Variants in ABCA5 observed in about 807,000 individuals in gnomAD.
ABCA5 encodes the protein ATP binding cassette subfamily A member 5.
In ABCA5, 163 loss-of-function variants were observed where a neutral mutation model predicts 206.0. That is an observed-to-expected ratio of 0.79 (90% CI 0.70 to 0.90). ABCA5 has a LOEUF of 0.90. ABCA5 is among the 40% of genes least tolerant of loss of function. The pLI, the probability that ABCA5 is intolerant of heterozygous loss-of-function variation, is 0.00. For synonymous variants in ABCA5, 609 were observed against 613.8 expected (o/e 0.99, Z 0.11); for missense variants, 1,859 against 1,912.9 (o/e 0.97, Z 0.53).
intron 1 of ABCA5, among the ~76,000 whole-genome samples, chr17:69,323,165 T>C (rs1455744501): frequency 6.6e-6 from 1 of 152,138 alleles, no homozygotes; most frequent in East Asian, 1.9e-4. Flanking sequence ...TGAAATTCCT[T>C]CCTTATTTTC....
intron 12 of ABCA5, 62 bp from the exon 13 acceptor site, chr17:69,290,099 T>G: frequency 8.5e-7 from 1 of 1,172,816 alleles, no homozygotes; most frequent in Non-Finnish European, 1.2e-6. Flanking sequence ...TGTTTTCAAG[T>G]ATCCTGATAA....
intron 28 of ABCA5, among the ~76,000 whole-genome samples, chr17:69,257,089 G>A (rs946869654): frequency 2.0e-5 from 3 of 152,066 alleles, no homozygotes; most frequent in Admixed American, 1.3e-4. Flanking sequence ...ATGTGGCCAG[G>A]CGCAGTGGCT....
chr17:69,254,291 G>A, intron 32 of ABCA5, 24 bp downstream of exon 32: 1 of 1,558,886 alleles, frequency 6.4e-7, no homozygotes, highest in Non-Finnish European at 8.7e-7. Flanking sequence ...AGTAACAAAA[G>A]GAATCTAAAG....
At chr17:69,302,506 A>C (rs2075662726) in intron 8 of ABCA5, among the ~76,000 whole-genome samples, 1 of 152,366 alleles carries the variant, frequency 6.6e-6, no homozygotes, top group South Asian at 2.1e-4. Context: ...AAAGTAAAAA[A>C]TTTATAAACA....
intron 24 of ABCA5, among the ~76,000 whole-genome samples, chr17:69,263,191 C>T (rs950815195): frequency 6.6e-6 from 1 of 152,116 alleles, no homozygotes; most frequent in Non-Finnish European, 1.5e-5. Context: ...TATCCATTTA[C>T]TCTGTTGATA....
At chr17:69,273,662 G>C (rs987111184) in intron 20 of ABCA5, among the ~76,000 whole-genome samples, 3 of 151,948 alleles carry the variant, frequency 2.0e-5, no homozygotes, top group Admixed American at 1.3e-4. Flanking sequence ...CACCGTGTTA[G>C]CCAGGATGGT....
At chr17:69,299,493 C>T (rs2075628854) in intron 9 of ABCA5, among the ~76,000 whole-genome samples, 1 of 151,640 alleles carries the variant, frequency 6.6e-6, no homozygotes. Context: ...CACACACACA[C>T]ACACACAAAG....
At chr17:69,310,553 A>AG (rs1381389761) in intron 3 of ABCA5, among the ~76,000 whole-genome samples, 16 of 152,032 alleles carry the variant, frequency 1.1e-4, no homozygotes, top group Admixed American at 9.8e-4. Flanking sequence ...CTATGACACA[A>AG]CTCCTCCTTA....
At chr17:69,300,087 G>C (rs1463667078) in intron 9 of ABCA5, among the ~76,000 whole-genome samples, 1 of 152,100 alleles carries the variant, frequency 6.6e-6, no homozygotes, top group Admixed American at 6.5e-5. Context: ...AATATATAAT[G>C]AAACAATTAT....
intron 24 of ABCA5, among the ~76,000 whole-genome samples, chr17:69,264,368 C>T (rs2075184486): frequency 6.6e-6 from 1 of 152,012 alleles, no homozygotes; most frequent in African/African-American, 2.4e-5. Context: ...AAATGTTAAG[C>T]TATATTTTAA....
chr17:69,269,332 A>G (rs1359737655), intron 22 of ABCA5, among the ~76,000 whole-genome samples: 1 of 152,222 alleles, frequency 6.6e-6, no homozygotes, highest in Non-Finnish European at 1.5e-5. Flanking sequence ...AAGTTTTACT[A>G]AAAACAAATA....
rs58369537 is a variant in ABCA5, at chr17:69,263,697, C to CTTTTTTTTTTTTTTTTTTTTTTTT, written c.3315+1037_3315+1038insAAAAAAAAAAAAAAAAAAAAAAAA. Among the ~76,000 whole-genome samples, 24 of 103,670 alleles carry CTTTTTTTTTTTTTTTTTTTTTTTT rather than the reference C, an allele frequency of 2.3e-4. 2 individuals carry two copies. The highest frequency in any genetic ancestry group is 8.8e-4 in the African/African-American group (20 of 22,700). 68.0% of individuals were successfully genotyped at this position (103,670 alleles called of 152,430 possible). A position where few individuals can be genotyped will look rare whatever the true frequency, so the allele number is the denominator to read the frequency against. ...GGCTTTGTTCTTTTTACATGGATTC[C>CTTTTTTTTTTTTTTTTTTTTTTTT]TTTTTTTTTTTTTTTTTGATAAAAA... On this transcript the variant is annotated intron_variant, in intron 24 of 38. Coordinates refer to ENST00000392676, the MANE Select transcript of ABCA5 (RefSeq NM_172232.4).
intron 22 of ABCA5, among the ~76,000 whole-genome samples, chr17:69,270,039 A>C (rs1164060757): frequency 1.3e-5 from 2 of 152,104 alleles, no homozygotes; most frequent in Non-Finnish European, 2.9e-5. Context: ...AATAAAAGAC[A>C]CCGAAGTGTA....
intron 1 of ABCA5, among the ~76,000 whole-genome samples, chr17:69,320,589 C>T (rs2075856020): frequency 6.6e-6 from 1 of 152,140 alleles, no homozygotes; most frequent in African/African-American, 2.4e-5. Flanking sequence ...GTATGAAATA[C>T]ATGGTTTAGC....
rs1252105354 is a variant in ABCA5 at position 69,249,953 on chromosome 17, T to C, written c.4717A>G (p.Lys1573Glu). 6.7e-7 allele frequency: 1 copy of C among 1,501,668 alleles called. No homozygotes were observed. Among genetic ancestry groups the C allele is most frequent in the Non-Finnish European group, 8.9e-7 (1 of 1,123,818 alleles). 93.0% of individuals were successfully genotyped at this position (1,501,668 alleles called of 1,614,324 possible). ...FSSILAYKIP[K>E]EDVQSLSQSF... ...TGTGAAAGGGACTGAACATCTTCCT[T>C]AGGAATTTTATAAGCCAAAATAGAA... Residue 1573 changes from lysine (K) to glutamate (E), a missense_variant, in exon 37 of 39, where the codon AAG (lysine) becomes GAG (glutamate). By Grantham distance (56) the Lys-to-Glu change is moderately conservative. Transcript: ENST00000392676.
intron 3 of ABCA5, 122 bp from the exon 4 acceptor site, chr17:69,309,545 T>C: frequency 1.3e-6 from 1 of 788,628 alleles, no homozygotes; most frequent in South Asian, 3.1e-5. Context: ...TATTTACTTC[T>C]TAAAAAATGA....
intron 18 of ABCA5, 100 bp from the exon 19 acceptor site, chr17:69,277,942 T>C: frequency 3.5e-6 from 3 of 867,214 alleles, no homozygotes; most frequent in South Asian, 4.3e-5. Context: ...CTGGCAGTTA[T>C]GTGGAACAAA....
chr17:69,289,053 A>G (rs1391631664), intron 14 of ABCA5, 124 bp downstream of exon 14: 23 of 935,812 alleles, frequency 2.5e-5, no homozygotes, highest in Non-Finnish European at 3.4e-5. Context: ...GATTATATCC[A>G]TAATAACATA....
chr17:69,253,114 C>T (rs917249606), intron 34 of ABCA5, among the ~76,000 whole-genome samples: 1 of 151,978 alleles, frequency 6.6e-6, no homozygotes, highest in African/African-American at 2.4e-5. Context: ...TAGGCTATAA[C>T]CACCCAGAGA....
Sources: allele counts gnomAD v4.1 joint callset (sites outside exome capture counted in the v4.1 genomes callset), GRCh38; gene constraint gnomAD v4.1.1; transcripts MANE v1.5; gene names NCBI Gene and HGNC (gene_info 2026-07-23, HGNC 2026-07-21).